The following RBFOX3 variants were observed in gnomAD, a reference collection of about 807,000 sequenced individuals.
The protein encoded by RBFOX3 is RNA binding fox-1 homolog 3.
RBFOX3 carries 17 observed loss-of-function variants against 48.7 expected under a neutral mutation model. The observed-to-expected ratio is 0.35, with a 90% CI of 0.24 to 0.52. The LOEUF (loss-of-function observed/expected upper bound fraction) is 0.52. Among genes scored for constraint, RBFOX3 ranks in the 20% least tolerant of loss-of-function variants. RBFOX3 has a pLI of 0.94. For synonymous variants in RBFOX3, 212 were observed against 209.5 expected (o/e 1.01, Z -0.10); for missense variants, 382 against 497.5 (o/e 0.77, Z 2.21).
intron 1 of RBFOX3, among the ~76,000 whole-genome samples, chr17:79,507,867 C>T (rs2083403071): frequency 6.6e-6 from 1 of 152,208 alleles, no homozygotes; most frequent in African/African-American, 2.4e-5. Context: ...GGAAGCTGAG[C>T]CTTCCTGGGC....
intron 2 of RBFOX3, among the ~76,000 whole-genome samples, chr17:79,328,229 G>C (rs1480269587): frequency 6.6e-6 from 1 of 152,186 alleles, no homozygotes; most frequent in African/African-American, 2.4e-5. Flanking sequence ...AGGCTGGATT[G>C]GGGAGCAGGG....
At chr17:79,349,836 T>C (rs1240118740) in intron 2 of RBFOX3, among the ~76,000 whole-genome samples, 1 of 151,384 alleles carries the variant, frequency 6.6e-6, no homozygotes, top group East Asian at 2.0e-4. Context: ...ACAGCCGTGA[T>C]CACCAGGACG....
At chr17:79,409,297 C>A (rs1434611601) in intron 2 of RBFOX3, among the ~76,000 whole-genome samples, 1 of 152,208 alleles carries the variant, frequency 6.6e-6, no homozygotes, top group East Asian at 1.9e-4. Flanking sequence ...GCAAACGGTG[C>A]TCCTACAAAC....
intron 2 of RBFOX3, among the ~76,000 whole-genome samples, chr17:79,341,633 G>C (rs2082106635): frequency 6.6e-6 from 1 of 152,154 alleles, no homozygotes; most frequent in South Asian, 2.1e-4. Context: ...ACCTTGGAAA[G>C]CCTTAGGGTC....
intron 3 of RBFOX3, among the ~76,000 whole-genome samples, chr17:79,293,325 C>T (rs1241669904): frequency 6.6e-6 from 1 of 151,634 alleles, no homozygotes; most frequent in East Asian, 2.0e-4. Flanking sequence ...TCCTTCTTTC[C>T]TTCCCTGCCT....
chr17:79,179,528 G>A (rs1023013837), intron 4 of RBFOX3, among the ~76,000 whole-genome samples: 3 of 150,206 alleles, frequency 2.0e-5, no homozygotes, highest in Admixed American at 6.6e-5. Context: ...CCTCTCCCCC[G>A]GCCAGCCCCC....
intron 1 of RBFOX3, among the ~76,000 whole-genome samples, chr17:79,521,051 T>C (rs999436840): frequency 1.2e-3 from 190 of 152,294 alleles, no homozygotes; most frequent in African/African-American, 4.5e-3. Context: ...CTCCTGGCTG[T>C]CTGGGAGGGG....
the RBFOX3 span, among the ~76,000 whole-genome samples, chr17:79,621,221 A>C: frequency 6.6e-6 from 1 of 151,340 alleles, no homozygotes; most frequent in Admixed American, 6.6e-5. Flanking sequence ...CGGGTCTCGA[A>C]CTCCTGACCT....
chr17:79,401,845 G>C (rs987158974), intron 2 of RBFOX3, among the ~76,000 whole-genome samples: 2 of 152,334 alleles, frequency 1.3e-5, no homozygotes, highest in East Asian at 1.9e-4. Flanking sequence ...CCAGCCTCCC[G>C]AGGGAGCGCG....
chr17:79,122,490 C>G (rs2036019573), intron 4 of RBFOX3, among the ~76,000 whole-genome samples: 1 of 152,194 alleles, frequency 6.6e-6, no homozygotes, highest in African/African-American at 2.4e-5. Context: ...AAATGCAAAT[C>G]AAAACTACAC....
In RBFOX3 at chr17:79,479,442, GCTCTGAGGGGCTTCCT is replaced by G. The variant is rs1231557032; in HGVS notation, c.-175+2996_-175+3011del. 1.3e-4 allele frequency among the ~76,000 whole-genome samples: 20 copies of G among 152,290 alleles called. No homozygotes were observed. The East Asian group carries it at 2.3e-3, about 18-fold the overall frequency. On this transcript the variant is annotated intron_variant, in intron 2 of 14. Transcript: ENST00000693108. This position sits in a 1 kb window ranked among gnomAD's most constrained non-coding sequence, Gnocchi z 5.1. ...CAGGCCTCAGACTGCATTGCTCCTT[GCTCTGAGGGGCTTCCT>G]CTCAGAGGGGCTTCCTTCTCTCCCC... is the stretch of plus-strand genomic sequence containing the variant.
chr17:79,207,608 C>T (rs866027272), intron 4 of RBFOX3, among the ~76,000 whole-genome samples: 19 of 152,240 alleles, frequency 1.2e-4, no homozygotes, highest in Non-Finnish European at 2.1e-4. Context: ...TCTGGGATTT[C>T]TTGGGACAAG....
At chr17:79,547,031 G>A (rs1351806268) in intron 1 of RBFOX3, among the ~76,000 whole-genome samples, 1 of 152,150 alleles carries the variant, frequency 6.6e-6, no homozygotes, top group Non-Finnish European at 1.5e-5. Flanking sequence ...GAAAAGGGAA[G>A]GTGGGTCTGA....
At chr17:79,620,027 A>T in the RBFOX3 span, among the ~76,000 whole-genome samples, 1 of 151,568 alleles carries the variant, frequency 6.6e-6, no homozygotes, top group Non-Finnish European at 1.5e-5. Flanking sequence ...ACACACGTGC[A>T]CACATGCATA....
At chr17:79,166,118 A>C (rs1350453158) in intron 4 of RBFOX3, among the ~76,000 whole-genome samples, 1 of 150,700 alleles carries the variant, frequency 6.6e-6, no homozygotes, top group Admixed American at 6.6e-5. Context: ...AGAGGGATAC[A>C]AACCTGGGCT....
intron 4 of RBFOX3, among the ~76,000 whole-genome samples, chr17:79,174,517 C>T (rs1367981521): frequency 1.3e-5 from 2 of 151,036 alleles, no homozygotes; most frequent in Non-Finnish European, 2.9e-5. Flanking sequence ...GCACTCTCAC[C>T]GACTCACAGA....
At chr17:79,147,141 G>A (rs574693159) in intron 4 of RBFOX3, among the ~76,000 whole-genome samples, 1 of 152,316 alleles carries the variant, frequency 6.6e-6, no homozygotes, top group East Asian at 1.9e-4. Context: ...CCAATTCCAA[G>A]GCTGCTCCCT....
intron 4 of RBFOX3, among the ~76,000 whole-genome samples, chr17:79,196,284 C>T (rs1349358316): frequency 6.6e-6 from 1 of 152,152 alleles, no homozygotes; most frequent in Non-Finnish European, 1.5e-5. Context: ...CTGTTTCTCA[C>T]ACCCTCCTCC....
At chr17:79,324,616 G>C (rs996084472) in intron 2 of RBFOX3, among the ~76,000 whole-genome samples, 1 of 152,180 alleles carries the variant, frequency 6.6e-6, no homozygotes, top group Non-Finnish European at 1.5e-5. Context: ...CCCCAGCTCT[G>C]CTCCTCAGAA....
Sources: allele counts gnomAD v4.1 joint callset (sites outside exome capture counted in the v4.1 genomes callset), GRCh38; gene constraint gnomAD v4.1.1; non-coding constraint Gnocchi (gnomAD v3.1); transcripts MANE v1.5; gene names NCBI Gene and HGNC (gene_info 2026-07-23, HGNC 2026-07-21).